The following CNTNAP3B variants were observed in gnomAD, a reference collection of about 807,000 sequenced individuals.
CNTNAP3B encodes the protein contactin associated protein family member 3B, also known as contactin-associated protein-like 3B.
A neutral mutation model predicts 108.9 loss-of-function variants in CNTNAP3B; 25 were observed. The ratio of observed to expected loss-of-function variants is 0.23; its 90% CI spans 0.17 to 0.32. CNTNAP3B has a LOEUF of 0.32. Ranked by LOEUF, CNTNAP3B falls within the 10% of genes least tolerant of loss-of-function variation. The probability of loss-of-function intolerance (pLI) is 1.00; values close to 1 mark genes in which losing one functional copy is unlikely to be tolerated. For synonymous variants in CNTNAP3B, 103 were observed against 473.4 expected, an observed-to-expected ratio of 0.22 and a Z score of 10.16; for missense variants, 252 against 1,210.4, an observed-to-expected ratio of 0.21 and a Z score of 11.75.
intron 13 of CNTNAP3B, among the ~76,000 whole-genome samples, chr9:41,950,065 G>T (rs1587135329): frequency 9.6e-6 from 1 of 103,652 alleles, no homozygotes; most frequent in East Asian, 3.5e-4. Flanking sequence ...ATTAGAAAAT[G>T]AACAACAACA....
intron 3 of CNTNAP3B, among the ~76,000 whole-genome samples, chr9:42,030,182 T>C (rs1385610896): frequency 1.3e-5 from 1 of 77,780 alleles, no homozygotes; most frequent in Non-Finnish European, 2.4e-5. Context: ...AAGACTGAAA[T>C]AAAAGTTAAG....
intron 15 of CNTNAP3B, among the ~76,000 whole-genome samples, chr9:41,927,473 G>GCGAA (rs1554737875): frequency 4.6e-5 from 6 of 130,238 alleles, no homozygotes; most frequent in African/African-American, 1.4e-4. Context: ...GGAGGGAGTG[G>GCGAA]GGAAGGAAGG....
At chr9:41,959,713 C>G (rs1359439889) in intron 12 of CNTNAP3B, among the ~76,000 whole-genome samples, 1 of 152,310 alleles carries the variant, frequency 6.6e-6, no homozygotes, top group Non-Finnish European at 1.5e-5. Flanking sequence ...TAAAGTTTTA[C>G]TATTTTTTGA....
At chr9:41,921,284 C>G (rs1169663188) in intron 17 of CNTNAP3B, among the ~76,000 whole-genome samples, 1 of 152,246 alleles carries the variant, frequency 6.6e-6, no homozygotes, top group Non-Finnish European at 1.5e-5. Flanking sequence ...TGGTTTGACC[C>G]CTCCGTGTAG....
intron 2 of CNTNAP3B, among the ~76,000 whole-genome samples, chr9:42,087,311 G>C (rs1281452379): frequency 1.5e-5 from 2 of 135,612 alleles, no homozygotes; most frequent in Non-Finnish European, 3.2e-5. Context: ...TACATGTTTT[G>C]TTGGGTCTGC....
intron 10 of CNTNAP3B, among the ~76,000 whole-genome samples, chr9:41,966,198 C>T (rs1214503022): frequency 4.5e-3 from 675 of 148,754 alleles, no homozygotes; most frequent in African/African-American, 0.017. Context: ...CCCCCTCCTC[C>T]CCTTCCTTCT....
chr9:42,036,296 C>T (rs1324840256), intron 3 of CNTNAP3B, among the ~76,000 whole-genome samples: 1 of 141,170 alleles, frequency 7.1e-6, no homozygotes, highest in Non-Finnish European at 1.5e-5. Flanking sequence ...CCAATCTGTT[C>T]TCCTCCCTAG....
chr9:42,089,762 AAT>A (rs1477556267), intron 2 of CNTNAP3B, among the ~76,000 whole-genome samples: 1 of 145,772 alleles, frequency 6.9e-6, no homozygotes, highest in Non-Finnish European at 1.5e-5. Flanking sequence ...GAAAAGATCC[AAT>A]ATGTTTCCAT....
At position 42,128,517 on chromosome 9, in the gene CNTNAP3B, C is replaced by T. The variant is rs531704843; in HGVS notation, c.85+493G>A. ...TTATTAATTTAGTTTCGCCTACAGG[C>T]ACTCTGTCCCTATACTGCGTGGAAG... On this transcript the variant is annotated intron_variant, in intron 1 of 23. Transcript: ENST00000377561. Among the ~76,000 whole-genome samples, 5 of 138,058 alleles carry T rather than the reference C, an allele frequency of 3.6e-5. 1 individual carries two copies. The highest frequency in any genetic ancestry group is 1.5e-4 in the African/African-American group (5 of 34,444). 90.6% of individuals were successfully genotyped at this position (138,058 alleles called of 152,430 possible).
At chr9:41,915,904 T>G (rs1430468922) in intron 18 of CNTNAP3B, among the ~76,000 whole-genome samples, 3 of 151,282 alleles carry the variant, frequency 2.0e-5, no homozygotes, top group East Asian at 1.9e-4. Context: ...TAGTGATTGC[T>G]CTAAGCTTGC....
At chr9:41,940,936 G>T (rs1351417964) in intron 13 of CNTNAP3B, among the ~76,000 whole-genome samples, 1 of 152,290 alleles carries the variant, frequency 6.6e-6, no homozygotes, top group Non-Finnish European at 1.5e-5. Flanking sequence ...TTATAACGAA[G>T]GATTCTTGGA....
At chr9:41,954,506 A>T (rs1204564676) in intron 12 of CNTNAP3B, among the ~76,000 whole-genome samples, 1 of 152,282 alleles carries the variant, frequency 6.6e-6, no homozygotes, top group Admixed American at 6.5e-5. Flanking sequence ...GATACCCACA[A>T]ATGAGCCACA....
chr9:41,964,909 A>G (rs1361088597), intron 10 of CNTNAP3B, among the ~76,000 whole-genome samples: 1 of 152,276 alleles, frequency 6.6e-6, no homozygotes, highest in Non-Finnish European at 1.5e-5. Flanking sequence ...TGACACAATA[A>G]CTTGACATGT....
At chr9:42,094,648 CTG>C (rs1358330655) in intron 2 of CNTNAP3B, among the ~76,000 whole-genome samples, 1 of 109,286 alleles carries the variant, frequency 9.2e-6, no homozygotes, top group African/African-American at 3.9e-5. Context: ...CAGAGCAAGA[CTG>C]TGTTTCAGAA....
At chr9:41,941,395 G>C (rs1200918912) in intron 13 of CNTNAP3B, among the ~76,000 whole-genome samples, 2 of 147,856 alleles carry the variant, frequency 1.4e-5, no homozygotes, top group African/African-American at 5.0e-5. Context: ...AAAGAAAGCA[G>C]AATGGCTATC....
At chr9:41,955,767 G>T (rs1471031789) in intron 12 of CNTNAP3B, among the ~76,000 whole-genome samples, 1 of 152,308 alleles carries the variant, frequency 6.6e-6, no homozygotes, top group African/African-American at 2.4e-5. Flanking sequence ...GTTGATCCCT[G>T]TTCCACTCCT....
In CNTNAP3B at chr9:42,107,036, C is replaced by T. The variant is rs111418708; in HGVS notation, c.86-2297G>A. ...ATGCAACACATAAAACAGCACTGGG[C>T]GTTTCACGTGTCCCTGGATTCCTGC... On this transcript the variant is annotated intron_variant, in intron 1 of 23. Transcript: ENST00000377561. Among the ~76,000 whole-genome samples the T allele has an allele frequency of 6.5e-5, 6 of 92,882 alleles. 2 individuals carry two copies. The highest frequency in any genetic ancestry group is 2.5e-4 in the African/African-American group (6 of 24,348). 60.9% of individuals were successfully genotyped at this position (92,882 alleles called of 152,430 possible). A position where few individuals can be genotyped will look rare whatever the true frequency, so the allele number is the denominator to read the frequency against.
At chr9:41,967,863 C>T (rs565421354) in intron 10 of CNTNAP3B, among the ~76,000 whole-genome samples, 1 of 152,264 alleles carries the variant, frequency 6.6e-6, no homozygotes, top group African/African-American at 2.4e-5. Flanking sequence ...TCTTAAAATC[C>T]TTATCTGCAA....
At chr9:42,070,418 C>T (rs906337314) in intron 3 of CNTNAP3B, among the ~76,000 whole-genome samples, 2 of 149,390 alleles carry the variant, frequency 1.3e-5, no homozygotes, top group Admixed American at 1.3e-4. Context: ...ACCTCTGGAC[C>T]CACAGGTGCA....
Sources: gnomAD v4.1 joint callset for allele counts (sites outside exome capture counted in the v4.1 genomes callset) on GRCh38, gnomAD v4.1.1 for gene constraint, MANE v1.5 for transcripts, NCBI Gene and HGNC (gene_info 2026-07-23, HGNC 2026-07-21) for gene names.